GFRA1: variants seen among roughly 807,000 people sequenced by gnomAD.
GFRA1 encodes the protein GDNF family receptor alpha 1, also known as GDNF family receptor alpha-1.
GFRA1 carries 16 observed loss-of-function variants against 51.6 expected under a neutral mutation model. That is an observed-to-expected ratio of 0.31 (90% CI 0.21 to 0.47). GFRA1 has a LOEUF of 0.47. Ranked by LOEUF, GFRA1 falls within the 20% of genes least tolerant of loss-of-function variation. The probability of loss-of-function intolerance (pLI) is 1.00; values close to 1 mark genes in which losing one functional copy is unlikely to be tolerated. For synonymous variants in GFRA1, 270 were observed against 241.3 expected, an observed-to-expected ratio of 1.12 and a Z score of -1.10; for missense variants, 530 against 594.3, an observed-to-expected ratio of 0.89 and a Z score of 1.13.
At chr10:116,194,064 T>A (rs997275012) in intron 5 of GFRA1, among the ~76,000 whole-genome samples, 323 of 4,898 alleles carry the variant, frequency 0.066, 10 homozygotes, top group Middle Eastern at 0.4. Flanking sequence ...ATAAATAAAA[T>A]TTAAAAAAAA....
chr10:116,252,011 C>G (rs1161779876), intron 4 of GFRA1, among the ~76,000 whole-genome samples: 1 of 131,406 alleles, frequency 7.6e-6, no homozygotes, highest in Non-Finnish European at 1.6e-5. Context: ...AATATAAAAC[C>G]CTGAGTAAAA....
intron 4 of GFRA1, among the ~76,000 whole-genome samples, chr10:116,250,753 T>C (rs541897539): frequency 6.6e-6 from 1 of 152,312 alleles, no homozygotes; most frequent in East Asian, 1.9e-4. Flanking sequence ...ATTTGAAGCT[T>C]CCTGGTGTCC....
chr10:116,267,095 C>T (rs1201450218), intron 4 of GFRA1, among the ~76,000 whole-genome samples: 1 of 151,998 alleles, frequency 6.6e-6, no homozygotes, highest in Non-Finnish European at 1.5e-5. Flanking sequence ...GACCTGTGAT[C>T]AGGCCACTGC....
At chr10:116,151,742 G>T (rs1008100200) in intron 5 of GFRA1, among the ~76,000 whole-genome samples, 5 of 152,132 alleles carry the variant, frequency 3.3e-5, no homozygotes, top group Non-Finnish European at 7.3e-5. Context: ...TGGCCTTAAG[G>T]ATAGCCAATG....
intron 3 of GFRA1, 22 bp downstream of exon 3, chr10:116,270,800 G>C: frequency 6.2e-7 from 1 of 1,601,176 alleles, no homozygotes; most frequent in South Asian, 1.1e-5. Flanking sequence ...CACGGGGTGG[G>C]GTGGGGAGGT....
At position 116,217,573 on chromosome 10, in the gene GFRA1, A is replaced by G. The variant is rs1965646311; in HGVS notation, c.419-5928T>C. Among the ~76,000 whole-genome samples, 4 of 152,368 alleles carry G rather than the reference A, an allele frequency of 2.6e-5. No homozygotes were observed. In the East Asian group the frequency reaches 7.7e-4, roughly 29 times the overall value. ...ACAGTCAAAAGCATATATGTAAAGCACTTAGCACATGGTGGCTGGTTTATG... is the reference window on the plus strand; with the variant it reads ...ACAGTCAAAAGCATATATGTAAAGCGCTTAGCACATGGTGGCTGGTTTATG... On this transcript the variant is annotated intron_variant, in intron 4 of 10. Transcript: ENST00000355422.
At chr10:116,167,051 G>A (rs984413679) in intron 5 of GFRA1, among the ~76,000 whole-genome samples, 40 of 151,860 alleles carry the variant, frequency 2.6e-4, no homozygotes, top group East Asian at 3.9e-4. Flanking sequence ...CGCCCGTCTC[G>A]GCCTCCCAAA....
intron 5 of GFRA1, among the ~76,000 whole-genome samples, chr10:116,155,499 C>A (rs889106021): frequency 5.3e-5 from 8 of 152,166 alleles, no homozygotes; most frequent in Admixed American, 4.6e-4. Flanking sequence ...AAAACAAAGG[C>A]TTGTCTCCCA....
At chr10:116,124,933 C>T (rs1227232227) in intron 6 of GFRA1, among the ~76,000 whole-genome samples, 1 of 152,168 alleles carries the variant, frequency 6.6e-6, no homozygotes, top group Non-Finnish European at 1.5e-5. Context: ...GACCCTCTCA[C>T]CTGAGAGGTA....
intron 5 of GFRA1, among the ~76,000 whole-genome samples, chr10:116,186,379 G>C (rs971317129): frequency 1.3e-5 from 2 of 152,184 alleles, no homozygotes; most frequent in African/African-American, 4.8e-5. Flanking sequence ...ACTTCACACA[G>C]AGGTGGTGGC....
chr10:116,196,984 C>T (rs1963934660), intron 5 of GFRA1, among the ~76,000 whole-genome samples: 1 of 151,116 alleles, frequency 6.6e-6, no homozygotes, highest in African/African-American at 2.4e-5. Flanking sequence ...CAGCACATCT[C>T]TAGTCTCTGC....
intron 9 of GFRA1, among the ~76,000 whole-genome samples, chr10:116,079,169 G>A (rs888372399): frequency 6.6e-6 from 1 of 151,976 alleles, no homozygotes; most frequent in Non-Finnish European, 1.5e-5. Flanking sequence ...GTAGGAAGGC[G>A]GCCATCTGCA....
chr10:116,082,767 C>T lies in GFRA1; in HGVS notation c.1197+6974G>A, dbSNP rs746341170. ...TGCTGGGATTACAGGTGTGAGCCAC[C>T]ACACCCAGCCTCAAACCCTTCTTAT... On this transcript the variant is annotated intron_variant, in intron 9 of 10. Coordinates refer to ENST00000355422, the MANE Select transcript of GFRA1 (RefSeq NM_005264.8). Among the ~76,000 whole-genome samples, 218 of 152,276 alleles carry T rather than the reference C, an allele frequency of 1.4e-3. 1 individual carries two copies. Among genetic ancestry groups the T allele is most frequent in the Non-Finnish European group, 1.6e-3 (106 of 68,030 alleles).
chr10:116,140,020 G>A (rs1208164569), intron 5 of GFRA1, among the ~76,000 whole-genome samples: 1 of 152,236 alleles, frequency 6.6e-6, no homozygotes, highest in Non-Finnish European at 1.5e-5. Flanking sequence ...TTCTCCTGGT[G>A]TGTCTAGAGC....
rs1589758571 is a variant in GFRA1, at chr10:116,065,521, C to A, written c.1251+52G>T. 12 of 1,466,338 alleles carry A rather than the reference C, an allele frequency of 8.2e-6. No individual in the cohort carries two copies. The East Asian group carries it at 2.7e-4, about 33-fold the overall frequency. 90.8% of individuals were successfully genotyped at this position (1,466,338 alleles called of 1,614,324 possible). On this transcript the variant is annotated intron_variant, in intron 10 of 10. Transcript: ENST00000355422. ...ATATGATACCCTGCCCCCAGGGGCC[C>A]AAAGGCTATGTTTCTATAAATGCAC...
intron 9 of GFRA1, among the ~76,000 whole-genome samples, chr10:116,076,964 G>A (rs1161942883): frequency 6.6e-6 from 1 of 152,160 alleles, no homozygotes; most frequent in Non-Finnish European, 1.5e-5. Context: ...TACTCGTAAT[G>A]AGAATATATA....
intron 5 of GFRA1, among the ~76,000 whole-genome samples, chr10:116,137,308 C>T (rs1380293208): frequency 1.3e-5 from 2 of 152,148 alleles, no homozygotes; most frequent in African/African-American, 4.8e-5. Context: ...CTAGATGATG[C>T]TGAGATAATA....
intron 6 of GFRA1, among the ~76,000 whole-genome samples, chr10:116,111,851 C>CCTCTGAGCCCCAGAGCAAAGGT (rs1957226020): frequency 6.6e-6 from 1 of 152,080 alleles, no homozygotes; most frequent in Non-Finnish European, 1.5e-5. Context: ...AGAGCAAAGG[C>CCTCTGAGCCCCAGAGCAAAGGT]GCCTCTGAGA....
intron 5 of GFRA1, among the ~76,000 whole-genome samples, chr10:116,140,960 C>T (rs1958538505): frequency 6.6e-6 from 1 of 152,166 alleles, no homozygotes; most frequent in Non-Finnish European, 1.5e-5. Flanking sequence ...ATTTGAAGAA[C>T]AAAGCTATGC....
Sources: gnomAD v4.1 joint callset for allele counts (sites outside exome capture counted in the v4.1 genomes callset) on GRCh38, gnomAD v4.1.1 for gene constraint, MANE v1.5 for transcripts, NCBI Gene and HGNC (gene_info 2026-07-23, HGNC 2026-07-21) for gene names.